Variants in ENY2 observed in about 807,000 individuals in gnomAD.
ENY2 encodes ENY2 transcription and export complex 2 subunit, also known as transcription and mRNA export factor ENY2.
Under a neutral mutation model 15.9 loss-of-function variants are expected in ENY2, and 4 were observed. The observed-to-expected ratio is 0.25, with a 90% confidence interval of 0.12 to 0.57. The LOEUF (loss-of-function observed/expected upper bound fraction) is 0.57, where lower values mean the gene tolerates loss of function less well. Among genes scored for constraint, ENY2 ranks in the 20% least tolerant of loss-of-function variants. The pLI is 0.91. For missense variants in ENY2, 54 were observed against 117.2 expected, an observed-to-expected ratio of 0.46 and a Z score of 2.49; for synonymous variants, 48 against 38.0, an observed-to-expected ratio of 1.26 and a Z score of -0.97.
chr8:109,339,919 C>T (rs538124294), intron 3 of ENY2, among the ~76,000 whole-genome samples: 1 of 152,222 alleles, frequency 6.6e-6, no homozygotes, highest in African/African-American at 2.4e-5. Flanking sequence ...TTTAATGAAT[C>T]CCCATTGTAA....
chr8:109,343,377 C>G, intron 4 of ENY2, 28 bp from the exon 5 acceptor site: 1 of 1,576,460 alleles, frequency 6.3e-7, no homozygotes, highest in African/African-American at 1.4e-5. Context: ...TACCTTCTTA[C>G]TCTTATTTTT....
chr8:109,341,378 G>A (rs576070221), intron 4 of ENY2, among the ~76,000 whole-genome samples: 6 of 151,748 alleles, frequency 4.0e-5, no homozygotes, highest in Non-Finnish European at 7.4e-5. Context: ...AGAATCCCAT[G>A]GTCCTTGTCA....
At chr8:109,338,158 A>G (rs1816031742) in intron 2 of ENY2, among the ~76,000 whole-genome samples, 1 of 152,190 alleles carries the variant, frequency 6.6e-6, no homozygotes, top group Non-Finnish European at 1.5e-5. Context: ...CAGCAGGAGA[A>G]GAACTAAGTG....
chr8:109,337,603 AAAG>A (rs1460490360), intron 2 of ENY2, among the ~76,000 whole-genome samples: 1 of 152,144 alleles, frequency 6.6e-6, no homozygotes, highest in East Asian at 1.9e-4. Context: ...TAGAAAAAAC[AAAG>A]AAGAAATCAG....
In ENY2 at chr8:109,344,128, C is replaced by T. The variant is rs1816181152; in HGVS notation, c.*647C>T. 6.6e-6 allele frequency: 1 copy of T among 152,108 alleles called. No homozygotes were observed. Among genetic ancestry groups the T allele is most frequent in the Non-Finnish European group, 1.5e-5 (1 of 68,036 alleles). 9.4% of individuals were successfully genotyped at this position (152,108 alleles called of 1,614,324 possible). On this transcript the variant is annotated 3_prime_UTR_variant, in exon 5 of 5. Transcript: ENST00000521688. ...AGAACTTAATGGGAATTAATCTCCA[C>T]CCATTAGCTTTACCCTGACATCAGG...
At position 109,336,981 on chromosome 8, in the gene ENY2, C is replaced by G. The variant is rs146323404; in HGVS notation, c.83+777C>G. On this transcript the variant is annotated intron_variant, in intron 2 of 4. Coordinates refer to ENST00000521688, the MANE Select transcript of ENY2 (RefSeq NM_020189.6). ...GAAGAGGGGGAATCTTTCAACTCAA[C>G]CCGGGCATTCAGGTGATCATGTAAG... Among the ~76,000 whole-genome samples, 917 of 151,814 alleles carry G rather than the reference C, an allele frequency of 6.0e-3. 10 individuals are homozygous for G. The highest frequency in any genetic ancestry group is 0.021 in the African/African-American group (881 of 41,364).
chr8:109,343,697 G>T lies in ENY2; in HGVS notation c.*216G>T. ...GTTTGCTTGGATTTTGAAATGAATG[G>T]GACTTTGTCTTTATTACTAATTCAC... On this transcript the variant is annotated 3_prime_UTR_variant, in exon 5 of 5. Transcript: ENST00000521688. 1 of 472,104 alleles carries T rather than the reference G, an allele frequency of 2.1e-6. No homozygotes were observed. The allele number at this position is 472,104 out of a possible 1,614,324, so 29.2% of individuals were successfully genotyped here.
chr8:109,343,576 A>C lies in ENY2; in HGVS notation c.*95A>C. On this transcript the variant is annotated 3_prime_UTR_variant, in exon 5 of 5. Transcript: ENST00000521688. ...TTCCCAAAATAAAATCCTTTTTTGT[A>C]TGATGGTATACAGTTTTCAGTAATG... 3.6e-6 allele frequency: 4 copies of C among 1,122,282 alleles called. No individual in the cohort carries two copies. The highest frequency in any genetic ancestry group is 5.2e-6 in the Non-Finnish European group (4 of 768,942). 69.5% of individuals were successfully genotyped at this position (1,122,282 alleles called of 1,614,324 possible). A position where few individuals can be genotyped will look rare whatever the true frequency, so the allele number is the denominator to read the frequency against.
At chr8:109,337,081 T>TTTTTTTTTTTTTTTTTTTTG (rs1250292351) in intron 2 of ENY2, among the ~76,000 whole-genome samples, 5 of 151,388 alleles carry the variant, frequency 3.3e-5, no homozygotes, top group African/African-American at 7.3e-5. Flanking sequence ...TTTAAAGTTT[T>TTTTTTTTTTTTTTTTTTTTG]AAGAAAGGAA....
At chr8:109,336,232 A>G (rs368357396) in intron 2 of ENY2, 28 bp downstream of exon 2, 3 of 1,560,988 alleles carry the variant, frequency 1.9e-6, no homozygotes. Context: ...TTAATAAATT[A>G]CATTTCACCG....
At position 109,344,257 on chromosome 8, in the gene ENY2, T is replaced by C. The variant is rs1213664968; in HGVS notation, c.*776T>C. On this transcript the variant is annotated 3_prime_UTR_variant, in exon 5 of 5. Coordinates refer to ENST00000521688, the MANE Select transcript of ENY2 (RefSeq NM_020189.6). ...TGGAACTCTCTTCCCACTCCTCACA[T>C]TGCTTTTGCTACCACTGGAAGTTCC... 6.6e-6 allele frequency: 1 copy of C among 152,376 alleles called. No homozygotes were observed. Among genetic ancestry groups the C allele is most frequent in the African/African-American group, 2.4e-5 (1 of 41,468 alleles). 9.4% of individuals were successfully genotyped at this position (152,376 alleles called of 1,614,324 possible). A position where few individuals can be genotyped will look rare whatever the true frequency, so the allele number is the denominator to read the frequency against.
Position 109,340,577 on chromosome 8 carries a change from A to G in ENY2, c.229+14A>G, listed in dbSNP as rs1376319618. The G allele has an allele frequency of 1.9e-6, 3 of 1,612,436 alleles. No individual in the cohort carries two copies. The highest frequency in any genetic ancestry group is 3.3e-5 in the Admixed American group (2 of 59,840). On this transcript the variant is annotated intron_variant, in intron 4 of 4. Coordinates refer to ENST00000521688, the MANE Select transcript of ENY2 (RefSeq NM_020189.6). Reference sequence around the variant, plus strand: ...CAAAAGGCAGAGGTAAGGAATACAGAGTTTGTTAAAGGAAACATGCTGCAG... The same window carrying G: ...CAAAAGGCAGAGGTAAGGAATACAGGGTTTGTTAAAGGAAACATGCTGCAG...
intron 2 of ENY2, chr8:109,338,378 T>C (rs1816038040): frequency 6.6e-6 from 1 of 152,170 alleles, no homozygotes; most frequent in South Asian, 2.1e-4. Context: ...CAGAGATTCC[T>C]AGTCTGAGGA....
intron 1 of ENY2, chr8:109,334,714 G>T: frequency 1.8e-6 from 1 of 553,394 alleles, no homozygotes; most frequent in South Asian, 2.4e-5. Context: ...GAACTGGGAG[G>T]GATACCCTAG....
chr8:109,340,166 T>A (rs191482805), intron 3 of ENY2, among the ~76,000 whole-genome samples: 5 of 152,212 alleles, frequency 3.3e-5, no homozygotes, highest in African/African-American at 1.2e-4. Flanking sequence ...CTAATAGAGA[T>A]CTAGTAAATG....
At chr8:109,340,277 T>C (rs545506960) in intron 3 of ENY2, 19 of 563,368 alleles carry the variant, frequency 3.4e-5, no homozygotes, top group African/African-American at 2.8e-4. Flanking sequence ...ATTTAGTTGC[T>C]GGTTATTTAG....
chr8:109,339,866 T>C (rs1816078207), intron 3 of ENY2: 1 of 154,764 alleles, frequency 6.5e-6, no homozygotes, highest in Admixed American at 6.5e-5. Context: ...AAGGGGAGCC[T>C]CCTTTCTGTC....
In ENY2 at chr8:109,336,826, G is replaced by A. The variant is rs188943050; in HGVS notation, c.83+622G>A. On this transcript the variant is annotated intron_variant, in intron 2 of 4. Coordinates refer to ENST00000521688, the MANE Select transcript of ENY2 (RefSeq NM_020189.6). ...CTTTGTTTGGTTCATAATTGGCCAC[G>A]TAAATATTTGCAGAATCAACAGGTT... 3.6e-4 allele frequency among the ~76,000 whole-genome samples: 55 copies of A among 152,192 alleles called. No homozygotes were observed. In the East Asian group the frequency reaches 5.2e-3, roughly 14 times the overall value.
Position 109,339,356 on chromosome 8 carries a change from T to C in ENY2, c.120T>C (p.Cys40=), listed in dbSNP as rs1469795834. The C allele has an allele frequency of 1.2e-6, 2 of 1,613,848 alleles. No individual in the cohort carries two copies. The highest frequency in any genetic ancestry group is 1.7e-6 in the Non-Finnish European group (2 of 1,179,900). Residue 40 remains cysteine (C), a synonymous_variant, in exon 3 of 5, where the codon TGT becomes TGC. Coordinates refer to ENST00000521688, the MANE Select transcript of ENY2 (RefSeq NM_020189.6). ...KELLRAKLIE[C]GWKDQLKAHC... The stretch of plus-strand genomic sequence containing the variant: ...TGCTGAGAGCTAAATTAATTGAATG[T>C]GGCTGGAAGGATCAGTTGAAGGCAC...
Sources: allele counts gnomAD v4.1 joint callset (sites outside exome capture counted in the v4.1 genomes callset), GRCh38; gene constraint gnomAD v4.1.1; transcripts MANE v1.5; gene names NCBI Gene and HGNC (gene_info 2026-07-23, HGNC 2026-07-21).